Variants in TRPC5 observed in about 807,000 individuals in gnomAD.
TRPC5 encodes the protein transient receptor potential cation channel subfamily C member 5.
TRPC5 carries 9 observed loss-of-function variants against 56.5 expected under a neutral mutation model. That is an observed-to-expected ratio of 0.16 (90% CI 0.10 to 0.28). The LOEUF is 0.28. TRPC5 is among the 10% of genes least tolerant of loss of function. TRPC5 has a pLI of 1.00. For missense variants in TRPC5, 469 were observed against 748.9 expected (o/e 0.63, Z 4.36); for synonymous variants, 282 against 278.5 (o/e 1.01, Z -0.13).
intron 2 of TRPC5, among the ~76,000 whole-genome samples, chrX:111,944,303 T>TGTGTGTGA (rs1173179815): frequency 1.7e-3 from 107 of 61,353 alleles, no homozygotes; most frequent in Middle Eastern, 7.0e-3. Context: ...TGTGTGTGTG[T>TGTGTGTGA]GAGAGAGAGA....
chrX:111,826,460 G>A (rs1211285055), intron 7 of TRPC5, among the ~76,000 whole-genome samples: 1 of 112,408 alleles, frequency 8.9e-6, no homozygotes. Flanking sequence ...TCAGTGAAAC[G>A]TAGCAACCCT....
At chrX:111,988,967 A>G (rs1251266304) in intron 1 of TRPC5, among the ~76,000 whole-genome samples, 1 of 112,053 alleles carries the variant, frequency 8.9e-6, no homozygotes. Flanking sequence ...GGAAAGTAGC[A>G]TTACTAATCC....
chrX:112,074,927 C>T (rs1241480024), intron 1 of TRPC5, among the ~76,000 whole-genome samples: 1 of 112,460 alleles, frequency 8.9e-6, no homozygotes, highest in Admixed American at 9.4e-5. Flanking sequence ...TTTCCTCTTT[C>T]TTGGCATAAC....
intron 1 of TRPC5, among the ~76,000 whole-genome samples, chrX:112,071,850 C>T (rs1328307947): frequency 9.0e-6 from 1 of 111,646 alleles, no homozygotes; most frequent in African/African-American, 3.3e-5. Context: ...GTTCAAAGCC[C>T]CTTGAATTGT....
Position 112,022,449 on chromosome X carries a change from G to A in TRPC5, c.-22+59430C>T, listed in dbSNP as rs374985285. 3.6e-5 allele frequency among the ~76,000 whole-genome samples: 4 copies of A among 111,973 alleles called. No homozygotes were observed. In the East Asian group the frequency reaches 1.1e-3, roughly 32 times the overall value. On this transcript the variant is annotated intron_variant, in intron 1 of 10. Coordinates refer to ENST00000262839, the MANE Select transcript of TRPC5 (RefSeq NM_012471.3). The stretch of plus-strand genomic sequence containing the variant: ...TTTATGAGAGAGGAGAGTTTTGTGT[G>A]CATTTTTCCACTGCTGTATCTCCAG...
intron 1 of TRPC5, among the ~76,000 whole-genome samples, chrX:111,975,054 A>C (rs765436038): frequency 9.0e-6 from 1 of 111,117 alleles, no homozygotes; most frequent in South Asian, 3.9e-4. Flanking sequence ...ATGCCCAGAA[A>C]GCACCTGAGA....
intron 1 of TRPC5, among the ~76,000 whole-genome samples, chrX:112,040,276 C>G (rs1037276708): frequency 2.7e-5 from 3 of 112,126 alleles, no homozygotes; most frequent in African/African-American, 9.7e-5. Flanking sequence ...TCAAAGGGAC[C>G]TTAATGTGTT....
chrX:111,816,662 T>G (rs955217982), intron 7 of TRPC5, among the ~76,000 whole-genome samples: 1 of 111,830 alleles, frequency 8.9e-6, no homozygotes, highest in African/African-American at 3.3e-5. Flanking sequence ...ATTTTTCTCC[T>G]GTTCCTGTCC....
intron 1 of TRPC5, among the ~76,000 whole-genome samples, chrX:112,063,636 A>AG (rs775396899): frequency 2.7e-5 from 3 of 112,048 alleles, no homozygotes; most frequent in Non-Finnish European, 5.6e-5. Context: ...CTTTCCTCAC[A>AG]GGGGACTGGG....
Position 111,776,444 on chromosome X carries a change from T to C in TRPC5, c.2791A>G (p.Ser931Gly). ...ACSSSLHCAS[S>G]ICSSNSKLLD... ...AGTTTAGAATTTGAGGAGCAGATGC[T>C]GGATGCACAGTGAAGAGAGCTGGAA... is the stretch of plus-strand genomic sequence containing the variant. Residue 931 changes from serine (S) to glycine (G), a missense_variant, in exon 11 of 11, where the codon AGC (serine) becomes GGC (glycine). Physicochemically the swap from Ser to Gly is moderately conservative, Grantham distance 56 (BLOSUM62 0). Coordinates refer to ENST00000262839, the MANE Select transcript of TRPC5 (RefSeq NM_012471.3). 8.3e-7 allele frequency: 1 copy of C among 1,211,592 alleles called. No individual in the cohort carries two copies. The highest frequency in any genetic ancestry group is 1.1e-6 in the Non-Finnish European group (1 of 895,434).
At chrX:111,883,033 C>A (rs1181517924) in intron 3 of TRPC5, among the ~76,000 whole-genome samples, 1 of 107,248 alleles carries the variant, frequency 9.3e-6, no homozygotes, top group Non-Finnish European at 1.9e-5. Flanking sequence ...TTGCAGTGAG[C>A]CAAGATCATG....
rs191762395 is a variant in TRPC5, at chrX:111,769,824, A to G, written c.*6489T>C. Among the ~76,000 whole-genome samples the G allele has an allele frequency of 6.6e-4, 74 of 111,947 alleles. No homozygotes were observed. Among genetic ancestry groups the G allele is most frequent in the South Asian group, 3.0e-3 (8 of 2,674 alleles). On this transcript the variant is annotated 3_prime_UTR_variant, in exon 11 of 11. Transcript: ENST00000262839. ...GAAAGTGGTACTCATCTTGACTACC[A>G]CATGTTTTACCAAGTGTGGATCTAA...
intron 3 of TRPC5, among the ~76,000 whole-genome samples, chrX:111,865,888 C>G (rs1240960265): frequency 8.9e-6 from 1 of 112,660 alleles, no homozygotes; most frequent in Non-Finnish European, 1.9e-5. Flanking sequence ...AGGAACTACT[C>G]TTAACATTGG....
intron 7 of TRPC5, among the ~76,000 whole-genome samples, chrX:111,825,039 A>G (rs183019193): frequency 3.6e-5 from 4 of 111,480 alleles, no homozygotes; most frequent in African/African-American, 9.8e-5. Flanking sequence ...CAATGATTCA[A>G]TCAGATACGT....
chrX:112,069,638 A>G (rs1480836256), intron 1 of TRPC5, among the ~76,000 whole-genome samples: 2 of 111,954 alleles, frequency 1.8e-5, no homozygotes, highest in African/African-American at 6.5e-5. Context: ...TGCCATCTCA[A>G]CTTCTAGCTA....
intron 7 of TRPC5, among the ~76,000 whole-genome samples, chrX:111,815,829 C>T (rs1921845291): frequency 9.0e-6 from 1 of 111,051 alleles, no homozygotes. Flanking sequence ...TGTCACCTTC[C>T]GTCTCTCTGT....
chrX:111,993,519 C>T (rs1440104108), intron 1 of TRPC5, among the ~76,000 whole-genome samples: 1 of 112,307 alleles, frequency 8.9e-6, no homozygotes, highest in East Asian at 2.8e-4. Context: ...CTCCCACCAA[C>T]AGTGTAAAAG....
chrX:111,769,341 C>A lies in TRPC5; in HGVS notation c.*6972G>T, dbSNP rs1251056455. Among the ~76,000 whole-genome samples, 1 of 112,054 alleles carries A rather than the reference C, an allele frequency of 8.9e-6. No individual in the cohort carries two copies. The highest frequency in any genetic ancestry group is 1.9e-5 in the Non-Finnish European group (1 of 53,154). On this transcript the variant is annotated 3_prime_UTR_variant, in exon 11 of 11. Transcript: ENST00000262839. ...TACTGTTTAAACACAAAGGGTTAAT[C>A]ATTATGGTTGTTCCCAAATCAGTGA...
intron 3 of TRPC5, among the ~76,000 whole-genome samples, chrX:111,885,436 C>T (rs1924436210): frequency 9.0e-6 from 1 of 111,140 alleles, no homozygotes; most frequent in South Asian, 3.8e-4. Context: ...GTGCCCAACT[C>T]ATCCTAGTTT....
Sources: gnomAD v4.1 joint callset for allele counts (sites outside exome capture counted in the v4.1 genomes callset) on GRCh38, gnomAD v4.1.1 for gene constraint, MANE v1.5 for transcripts, NCBI Gene and HGNC (gene_info 2026-07-23, HGNC 2026-07-21) for gene names.